PNOC: variants seen among roughly 807,000 people sequenced by gnomAD.
The protein encoded by PNOC is prepronociceptin.
PNOC carries 10 observed loss-of-function variants against 15.6 expected under a neutral mutation model. That is an observed-to-expected ratio of 0.64 (90% CI 0.40 to 1.09). The LOEUF is 1.09. Among genes scored for constraint, PNOC ranks in the 50% least tolerant of loss-of-function variants. The pLI, the probability that PNOC is intolerant of heterozygous loss-of-function variation, is 0.01. For synonymous variants in PNOC, 98 were observed against 88.5 expected (o/e 1.11, Z -0.60); for missense variants, 220 against 223.9 (o/e 0.98, Z 0.11).
chr8:28,331,579 C>G (rs879888668), intron 2 of PNOC, among the ~76,000 whole-genome samples: 1 of 152,186 alleles, frequency 6.6e-6, no homozygotes, highest in African/African-American at 2.4e-5. Flanking sequence ...CACCTGGGCT[C>G]CAGACCCGTG....
intron 2 of PNOC, among the ~76,000 whole-genome samples, chr8:28,331,747 C>T (rs529912690): frequency 1.3e-5 from 2 of 152,188 alleles, no homozygotes; most frequent in African/African-American, 4.8e-5. Context: ...TGATTCTCCA[C>T]CCACCCCAGT....
chr8:28,337,307 C>CT (rs376669234), intron 2 of PNOC, among the ~76,000 whole-genome samples: 110 of 130,206 alleles, frequency 8.4e-4, no homozygotes, highest in African/African-American at 2.4e-3. Flanking sequence ...GCCCGATCAC[C>CT]TTTTTTTTCT....
At chr8:28,323,515 C>T (rs551223441) in intron 1 of PNOC, among the ~76,000 whole-genome samples, 40 of 152,320 alleles carry the variant, frequency 2.6e-4, no homozygotes, top group Non-Finnish European at 4.0e-4. Flanking sequence ...ACAGTCCCAC[C>T]GTTACAAAGT....
At chr8:28,330,400 T>TATTTTTTATTTTTTTTTTA (rs1431540071) in intron 2 of PNOC, among the ~76,000 whole-genome samples, 1 of 102,228 alleles carries the variant, frequency 9.8e-6, no homozygotes, top group Non-Finnish European at 2.0e-5. Context: ...TATTTTATTT[T>TATTTTTTATTTTTTTTTTA]TTTTTTTTTT....
chr8:28,335,024 C>T (rs1039488190), intron 2 of PNOC, among the ~76,000 whole-genome samples: 8 of 152,308 alleles, frequency 5.3e-5, no homozygotes, highest in South Asian at 4.1e-4. Context: ...AGAAAAACCA[C>T]GGCGTGAGCA....
At chr8:28,333,810 G>C (rs571698115) in intron 2 of PNOC, among the ~76,000 whole-genome samples, 1 of 152,236 alleles carries the variant, frequency 6.6e-6, no homozygotes, top group South Asian at 2.1e-4. Flanking sequence ...GCAGTTTGGG[G>C]CTCCTGTTCT....
At chr8:28,329,007 G>A in intron 1 of PNOC, 128 bp from the exon 2 acceptor site, 1 of 882,048 alleles carries the variant, frequency 1.1e-6, no homozygotes, top group South Asian at 1.6e-5. Flanking sequence ...TGAATCACAG[G>A]CCCCTAGTGC....
chr8:28,329,774 A>C (rs1350928169), intron 2 of PNOC, among the ~76,000 whole-genome samples: 1 of 152,206 alleles, frequency 6.6e-6, no homozygotes, highest in African/African-American at 2.4e-5. Context: ...GAAAATATTC[A>C]GAAAAAAATA....
At chr8:28,321,286 G>A (rs765193420) in intron 1 of PNOC, among the ~76,000 whole-genome samples, 8 of 147,196 alleles carry the variant, frequency 5.4e-5, no homozygotes, top group South Asian at 4.2e-4. Flanking sequence ...GGGCTCAAGC[G>A]TCCTAAGTTG....
intron 2 of PNOC, among the ~76,000 whole-genome samples, chr8:28,332,148 A>T (rs556627745): frequency 2.0e-5 from 3 of 152,190 alleles, no homozygotes; most frequent in Non-Finnish European, 4.4e-5. Flanking sequence ...TAACACCTTC[A>T]CAGTGCTCGC....
chr8:28,341,022 C>A (rs543135456), intron 3 of PNOC, among the ~76,000 whole-genome samples: 1 of 152,344 alleles, frequency 6.6e-6, no homozygotes, highest in South Asian at 2.1e-4. Flanking sequence ...CAAAATCACC[C>A]CAAAACATTA....
At chr8:28,338,521 G>A in intron 2 of PNOC, 1 of 849,354 alleles carries the variant, frequency 1.2e-6, no homozygotes. Flanking sequence ...CTGTACGCGG[G>A]ATGAAAAATT....
chr8:28,337,749 A>ATTTTTTT, intron 2 of PNOC, among the ~76,000 whole-genome samples: 1 of 139,988 alleles, frequency 7.1e-6, no homozygotes. Flanking sequence ...CGCCCAGCTA[A>ATTTTTTT]TTTTTTTTTT....
chr8:28,342,867 C>T (rs571396551), intron 3 of PNOC, 75 bp from the exon 4 acceptor site: 26 of 525,072 alleles, frequency 5.0e-5, no homozygotes, highest in Admixed American at 6.4e-5. Context: ...TCACTGCTTC[C>T]GTCTCTAGGG....
intron 1 of PNOC, among the ~76,000 whole-genome samples, chr8:28,326,402 A>G (rs1801226376): frequency 6.6e-6 from 1 of 152,110 alleles, no homozygotes; most frequent in African/African-American, 2.4e-5. Flanking sequence ...TGAGCACCCC[A>G]GTAGTCATCA....
chr8:28,326,308 C>T (rs1316487164), intron 1 of PNOC, among the ~76,000 whole-genome samples: 3 of 152,020 alleles, frequency 2.0e-5, no homozygotes, highest in Admixed American at 1.3e-4. Context: ...GCCGTGATTG[C>T]ACCACTGCAC....
intron 2 of PNOC, chr8:28,338,621 C>G (rs913577854): frequency 3.4e-5 from 34 of 993,132 alleles, no homozygotes; most frequent in Admixed American, 6.0e-5. Context: ...TTCTTTAACC[C>G]ATGTGACCTC....
chr8:28,320,992 CTTTT>C (rs929099632), intron 1 of PNOC, among the ~76,000 whole-genome samples: 14 of 151,718 alleles, frequency 9.2e-5, no homozygotes, highest in East Asian at 7.7e-4. Context: ...TTCTTTCTTT[CTTTT>C]TGAGTTGGAG....
intron 1 of PNOC, among the ~76,000 whole-genome samples, chr8:28,317,587 C>T (rs1380038231): frequency 6.6e-6 from 1 of 152,162 alleles, no homozygotes; most frequent in Admixed American, 6.5e-5. Flanking sequence ...AAAAGTTTTG[C>T]TTCCCCAGCT....
Sources: allele counts gnomAD v4.1 joint callset (sites outside exome capture counted in the v4.1 genomes callset), GRCh38; gene constraint gnomAD v4.1.1; transcripts MANE v1.5; gene names NCBI Gene and HGNC (gene_info 2026-07-23, HGNC 2026-07-21).